Variants in SH3GL2 observed in about 807,000 individuals in gnomAD.
SH3GL2 encodes endophilin-A1.
SH3GL2 carries 24 observed loss-of-function variants against 46.0 expected under a neutral mutation model. The ratio of observed to expected loss-of-function variants is 0.52; its 90% CI spans 0.38 to 0.73. The LOEUF (loss-of-function observed/expected upper bound fraction) is 0.73. Ranked by LOEUF, SH3GL2 falls within the 30% of genes least tolerant of loss-of-function variation. SH3GL2 has a pLI of 0.00. For missense variants in SH3GL2, 413 were observed against 424.2 expected (o/e 0.97, Z 0.23); for synonymous variants, 196 against 147.1 (o/e 1.33, Z -2.40).
intron 1 of SH3GL2, among the ~76,000 whole-genome samples, chr9:17,586,855 C>T (rs1818386516): frequency 6.6e-6 from 1 of 152,134 alleles, no homozygotes; most frequent in African/African-American, 2.4e-5. Context: ...CACAGCCAAA[C>T]CGTATCACAG....
intron 1 of SH3GL2, among the ~76,000 whole-genome samples, chr9:17,622,927 C>G (rs1338175585): frequency 6.6e-6 from 1 of 151,784 alleles, no homozygotes; most frequent in African/African-American, 2.4e-5. Flanking sequence ...GAAATTATAC[C>G]TGCTCCTTCC....
chr9:17,699,891 T>C (rs757123806), intron 1 of SH3GL2, among the ~76,000 whole-genome samples: 1 of 152,244 alleles, frequency 6.6e-6, no homozygotes, highest in Non-Finnish European at 1.5e-5. Context: ...TCTGTGTTTT[T>C]AGAGCTAACA....
intron 1 of SH3GL2, among the ~76,000 whole-genome samples, chr9:17,684,786 G>C (rs10756899): frequency 0.18 from 27,077 of 152,062 alleles, 3,092 homozygotes; most frequent in East Asian, 0.39. Context: ...TAAGGTTACA[G>C]TGTTAACAGA....
In SH3GL2 at chr9:17,648,447, G is replaced by A. The variant is rs368940422; in HGVS notation, c.45+69160G>A. 2.0e-5 allele frequency among the ~76,000 whole-genome samples: 3 copies of A among 152,152 alleles called. No homozygotes were observed. The East Asian group carries it at 5.8e-4, about 29-fold the overall frequency. ...AAATCTTACAGATCTTCAAGGCCTG[G>A]CAAAGAAGTTTGGCTTTGTCTATCT... On this transcript the variant is annotated intron_variant, in intron 1 of 8. Coordinates refer to ENST00000380607, the MANE Select transcript of SH3GL2 (RefSeq NM_003026.5).
chr9:17,744,384 TGAGTC>T (rs1822620335), intron 1 of SH3GL2, among the ~76,000 whole-genome samples: 3 of 151,690 alleles, frequency 2.0e-5, no homozygotes, highest in African/African-American at 4.8e-5. Context: ...TTTTTTTTTT[TGAGTC>T]TGAGTCTCAC....
intron 1 of SH3GL2, among the ~76,000 whole-genome samples, chr9:17,729,156 A>G (rs1822102559): frequency 6.6e-6 from 1 of 152,110 alleles, no homozygotes; most frequent in Non-Finnish European, 1.5e-5. Context: ...AATGATCATT[A>G]TTGTAACTGG....
At chr9:17,770,579 C>A (rs1209748120) in intron 3 of SH3GL2, among the ~76,000 whole-genome samples, 4 of 152,190 alleles carry the variant, frequency 2.6e-5, no homozygotes, top group Non-Finnish European at 5.9e-5. Context: ...CAACTACTCA[C>A]CACTCCCTTG....
chr9:17,627,649 C>T (rs1270128788), intron 1 of SH3GL2, among the ~76,000 whole-genome samples: 1 of 152,092 alleles, frequency 6.6e-6, no homozygotes, highest in Admixed American at 6.5e-5. Flanking sequence ...AAATAAATTG[C>T]TGTGGCGGTG....
At chr9:17,758,936 G>A (rs1196741939) in intron 2 of SH3GL2, among the ~76,000 whole-genome samples, 1 of 152,088 alleles carries the variant, frequency 6.6e-6, no homozygotes, top group Non-Finnish European at 1.5e-5. Context: ...ATGGAGTCCT[G>A]CCCTGGGGAC....
chr9:17,649,684 A>G (rs915870363), intron 1 of SH3GL2, among the ~76,000 whole-genome samples: 1 of 152,222 alleles, frequency 6.6e-6, no homozygotes, highest in African/African-American at 2.4e-5. Context: ...CTTTTGGCAA[A>G]TACACGTATT....
At chr9:17,641,930 T>C (rs200831616) in intron 1 of SH3GL2, among the ~76,000 whole-genome samples, 4 of 152,142 alleles carry the variant, frequency 2.6e-5, no homozygotes, top group African/African-American at 9.7e-5. Context: ...GAGTAGAATG[T>C]TTTATAATCC....
intron 8 of SH3GL2, among the ~76,000 whole-genome samples, chr9:17,794,577 C>T (rs946811284): frequency 6.6e-6 from 1 of 152,182 alleles, no homozygotes; most frequent in Non-Finnish European, 1.5e-5. Flanking sequence ...CAGTAATTTG[C>T]TTCTTTCTCT....
chr9:17,627,961 C>T (rs1232861959), intron 1 of SH3GL2, among the ~76,000 whole-genome samples: 1 of 152,166 alleles, frequency 6.6e-6, no homozygotes, highest in African/African-American at 2.4e-5. Flanking sequence ...TTACTTTTCT[C>T]CTGGTGTTGT....
intron 1 of SH3GL2, among the ~76,000 whole-genome samples, chr9:17,618,518 C>A (rs1254234958): frequency 6.6e-6 from 1 of 152,126 alleles, no homozygotes; most frequent in African/African-American, 2.4e-5. Context: ...GAAAATGTGA[C>A]GTTTCTTCAT....
intron 3 of SH3GL2, among the ~76,000 whole-genome samples, chr9:17,776,924 C>T (rs759737688): frequency 1.3e-5 from 2 of 152,140 alleles, no homozygotes; most frequent in Non-Finnish European, 2.9e-5. Flanking sequence ...CTTGGCTCCC[C>T]TGAGCAGTGC....
In SH3GL2 at chr9:17,732,289, A is replaced by C. The variant is rs117677183; in HGVS notation, c.46-14777A>C. ...CAAGGTTTGCCACTGGAAGAGGCAT[A>C]TCTGGTGGGAAAGAGGAAAAGACAA... On this transcript the variant is annotated intron_variant, in intron 1 of 8. Transcript: ENST00000380607. Among the ~76,000 whole-genome samples, 186 of 152,254 alleles carry C rather than the reference A, an allele frequency of 1.2e-3. 6 individuals are homozygous for C. The East Asian group carries it at 0.027, about 22-fold the overall frequency.
At chr9:17,652,852 A>C (rs551204746) in intron 1 of SH3GL2, among the ~76,000 whole-genome samples, 14 of 152,146 alleles carry the variant, frequency 9.2e-5, no homozygotes, top group South Asian at 4.1e-4. Flanking sequence ...TCTGTTACTT[A>C]CTTCCTTCTA....
At chr9:17,687,201 A>G (rs530001635) in intron 1 of SH3GL2, among the ~76,000 whole-genome samples, 30 of 152,244 alleles carry the variant, frequency 2.0e-4, no homozygotes, top group Non-Finnish European at 3.5e-4. Context: ...ATCATCTAGA[A>G]CCATTTAAAT....
intron 8 of SH3GL2, among the ~76,000 whole-genome samples, chr9:17,794,935 TGAGAGCGAA>T (rs1337307223): frequency 6.6e-6 from 1 of 152,250 alleles, no homozygotes; most frequent in Non-Finnish European, 1.5e-5. Context: ...ACAGTGAAAC[TGAGAGCGAA>T]GTACCATGTG....
Sources: allele counts gnomAD v4.1 joint callset (sites outside exome capture counted in the v4.1 genomes callset), GRCh38; gene constraint gnomAD v4.1.1; transcripts MANE v1.5; gene names NCBI Gene and HGNC (gene_info 2026-07-23, HGNC 2026-07-21).